WWOX: variants seen among roughly 807,000 people sequenced by gnomAD.
WWOX encodes WW domain containing oxidoreductase, also known as WW domain-containing oxidoreductase.
A neutral mutation model predicts 46.2 loss-of-function variants in WWOX; 69 were observed. The ratio of observed to expected loss-of-function variants is 1.49; its 90% CI spans 1.23 to 1.82. The LOEUF is 1.82. Ranked by LOEUF, WWOX falls within the 40% of genes most tolerant of loss-of-function variation. The pLI is 0.00. For synonymous variants in WWOX, 359 were observed against 202.6 expected (o/e 1.77, Z -6.56); for missense variants, 919 against 542.6 (o/e 1.69, Z -6.89).
chr16:78,539,095 C>T (rs534218162), intron 8 of WWOX, among the ~76,000 whole-genome samples: 2 of 152,340 alleles, frequency 1.3e-5, no homozygotes, highest in African/African-American at 2.4e-5. Context: ...CAGGAACTTG[C>T]AACCCTGATA....
rs1288993280 is a variant in WWOX at position 79,031,395 on chromosome 16, G to A, written c.1057-180213G>A. 4.0e-5 allele frequency among the ~76,000 whole-genome samples: 6 copies of A among 151,668 alleles called. No individual in the cohort carries two copies. The East Asian group carries it at 7.8e-4, about 20-fold the overall frequency. On this transcript the variant is annotated intron_variant, in intron 8 of 8. Coordinates refer to ENST00000566780, the MANE Select transcript of WWOX (RefSeq NM_016373.4). ...TCCTTCTTTTCTTCAGGATTATCTCGAGTTGGTTTGCAAAGTGAAACGCAT... is the reference window on the plus strand; with the variant it reads ...TCCTTCTTTTCTTCAGGATTATCTCAAGTTGGTTTGCAAAGTGAAACGCAT...
intron 6 of WWOX, among the ~76,000 whole-genome samples, chr16:78,416,873 G>C (rs1362703215): frequency 6.6e-6 from 1 of 152,300 alleles, no homozygotes; most frequent in East Asian, 1.9e-4. Flanking sequence ...TAGTTTACAG[G>C]GGAGGACACA....
At chr16:78,545,819 C>T (rs567311174) in intron 8 of WWOX, among the ~76,000 whole-genome samples, 2 of 152,178 alleles carry the variant, frequency 1.3e-5, no homozygotes, top group Admixed American at 6.5e-5. Flanking sequence ...CCTTCTTGCT[C>T]TGTCCTCACG....
At chr16:78,861,814 G>T (rs1259063219) in intron 8 of WWOX, among the ~76,000 whole-genome samples, 2 of 152,144 alleles carry the variant, frequency 1.3e-5, no homozygotes, top group Non-Finnish European at 2.9e-5. Flanking sequence ...TGTTGAAATA[G>T]GTAAAGCACA....
At chr16:78,638,897 AAG>A (rs2046638376) in intron 8 of WWOX, among the ~76,000 whole-genome samples, 1 of 152,164 alleles carries the variant, frequency 6.6e-6, no homozygotes, top group South Asian at 2.1e-4. Context: ...GGCATGGAAA[AAG>A]AACTTTGAAG....
intron 8 of WWOX, among the ~76,000 whole-genome samples, chr16:79,158,442 C>T (rs762202246): frequency 1.3e-5 from 2 of 152,172 alleles, no homozygotes; most frequent in African/African-American, 2.4e-5. Context: ...AATCACCCAG[C>T]GGATGGCGTT....
intron 4 of WWOX, among the ~76,000 whole-genome samples, chr16:78,121,449 T>C (rs2033088221): frequency 6.6e-6 from 1 of 152,182 alleles, no homozygotes; most frequent in African/African-American, 2.4e-5. Flanking sequence ...GAGATATTAT[T>C]GGACATTGAG....
chr16:78,164,404 T>A (rs2075037750), intron 5 of WWOX, 115 bp downstream of exon 5: 2 of 919,542 alleles, frequency 2.2e-6, no homozygotes, highest in South Asian at 2.9e-5. Flanking sequence ...CATGTCTTTA[T>A]TTTTAAAGTC....
chr16:79,169,528 C>G (rs201616794), intron 8 of WWOX, among the ~76,000 whole-genome samples: 2 of 152,152 alleles, frequency 1.3e-5, no homozygotes, highest in Admixed American at 6.5e-5. Flanking sequence ...CCTGGCTGTC[C>G]TTTTAAAGCC....
intron 8 of WWOX, among the ~76,000 whole-genome samples, chr16:78,482,592 CTTTGCATGTGA>C (rs905594365): frequency 7.9e-5 from 12 of 152,240 alleles, no homozygotes; most frequent in Admixed American, 4.6e-4. Context: ...GTGCTAAGTG[CTTTGCATGTGA>C]TTTCTAATTT....
At chr16:78,281,372 A>G (rs1301369127) in intron 5 of WWOX, among the ~76,000 whole-genome samples, 1 of 152,204 alleles carries the variant, frequency 6.6e-6, no homozygotes, top group African/African-American at 2.4e-5. Flanking sequence ...GTGGAGGTTC[A>G]GGGATATCTG....
intron 5 of WWOX, among the ~76,000 whole-genome samples, chr16:78,381,259 A>G (rs890340866): frequency 2.0e-5 from 3 of 152,230 alleles, no homozygotes; most frequent in Non-Finnish European, 4.4e-5. Context: ...TCACTGTTGC[A>G]TAACAACAAG....
At chr16:78,619,544 T>C (rs1046733657) in intron 8 of WWOX, among the ~76,000 whole-genome samples, 13 of 151,658 alleles carry the variant, frequency 8.6e-5, no homozygotes, top group Non-Finnish European at 1.6e-4. Flanking sequence ...TGATGCCACT[T>C]CTAATCTCAA....
At chr16:78,370,940 C>T (rs533875848) in intron 5 of WWOX, among the ~76,000 whole-genome samples, 7 of 143,984 alleles carry the variant, frequency 4.9e-5, no homozygotes, top group African/African-American at 1.0e-4. Context: ...ACATAGAGAA[C>T]GTTTAGAGGT....
intron 6 of WWOX, among the ~76,000 whole-genome samples, chr16:78,415,209 T>A (rs1039674181): frequency 6.6e-6 from 1 of 151,940 alleles, no homozygotes; most frequent in Non-Finnish European, 1.5e-5. Flanking sequence ...CTTCCCCTTT[T>A]TAGACCATAT....
At chr16:78,845,054 G>A (rs1310905587) in intron 8 of WWOX, among the ~76,000 whole-genome samples, 1 of 151,970 alleles carries the variant, frequency 6.6e-6, no homozygotes, top group East Asian at 1.9e-4. Flanking sequence ...ACAGACAAAT[G>A]GAAAACCTTC....
At chr16:78,247,550 T>C in intron 5 of WWOX, among the ~76,000 whole-genome samples, 1 of 152,180 alleles carries the variant, frequency 6.6e-6, no homozygotes, top group African/African-American at 2.4e-5. Flanking sequence ...AGATTTCAAC[T>C]GCAATCTCTA....
chr16:78,832,640 A>C (rs1327656025), intron 8 of WWOX, among the ~76,000 whole-genome samples: 2 of 152,220 alleles, frequency 1.3e-5, no homozygotes, highest in East Asian at 3.9e-4. Context: ...CTGGATTAGA[A>C]AAGTCATCAT....
intron 8 of WWOX, among the ~76,000 whole-genome samples, chr16:79,143,781 A>G (rs2050134178): frequency 6.6e-6 from 1 of 152,158 alleles, no homozygotes; most frequent in Non-Finnish European, 1.5e-5. Context: ...GGTGTTAAGT[A>G]AGTGACCCAA....
Sources: gnomAD v4.1 joint callset for allele counts (sites outside exome capture counted in the v4.1 genomes callset) on GRCh38, gnomAD v4.1.1 for gene constraint, MANE v1.5 for transcripts, NCBI Gene and HGNC (gene_info 2026-07-23, HGNC 2026-07-21) for gene names.